The following GALNT13 variants were observed in gnomAD, a reference collection of about 807,000 sequenced individuals.
GALNT13 encodes the protein UDP-GalNAc:polypeptide N-acetylgalactosaminyltransferase 13.
A neutral mutation model predicts 64.2 loss-of-function variants in GALNT13; 28 were observed. That is an observed-to-expected ratio of 0.44 (90% confidence interval 0.32 to 0.60). The LOEUF (loss-of-function observed/expected upper bound fraction) is 0.60, where lower values mean the gene tolerates loss of function less well. GALNT13 is among the 20% of genes least tolerant of loss of function. The pLI, the probability that GALNT13 is intolerant of heterozygous loss-of-function variation, is 0.05. For missense variants in GALNT13, 577 were observed against 669.8 expected, an observed-to-expected ratio of 0.86 and a Z score of 1.53; for synonymous variants, 214 against 224.6, an observed-to-expected ratio of 0.95 and a Z score of 0.42.
the GALNT13 span, among the ~76,000 whole-genome samples, chr2:153,319,381 C>G: frequency 1.3e-5 from 2 of 152,172 alleles, no homozygotes; most frequent in Non-Finnish European, 2.9e-5. Context: ...TCAAGCAATC[C>G]TCCCACCTCA....
intron 3 of GALNT13, among the ~76,000 whole-genome samples, chr2:154,136,690 T>C (rs1210154099): frequency 6.6e-6 from 1 of 152,114 alleles, no homozygotes. Flanking sequence ...ATGATTCTGG[T>C]TTTATCATAT....
the GALNT13 span, among the ~76,000 whole-genome samples, chr2:153,493,544 T>C: frequency 4.7e-4 from 72 of 152,084 alleles, no homozygotes; most frequent in South Asian, 3.9e-3. Flanking sequence ...GTTAATTCTG[T>C]CACAATTTGA....
chr2:154,168,666 C>CT (rs1685171994), intron 4 of GALNT13, among the ~76,000 whole-genome samples: 1 of 96,014 alleles, frequency 1.0e-5, no homozygotes, highest in Non-Finnish European at 2.2e-5. Flanking sequence ...AACCTCATCT[C>CT]TACTATTAAA....
chr2:153,711,214 A>T, the GALNT13 span, among the ~76,000 whole-genome samples: 1 of 152,100 alleles, frequency 6.6e-6, no homozygotes, highest in Non-Finnish European at 1.5e-5. Context: ...ATTTATAAAA[A>T]TTGCTATTAT....
At chr2:153,092,530 T>A in the GALNT13 span, among the ~76,000 whole-genome samples, 1 of 152,198 alleles carries the variant, frequency 6.6e-6, no homozygotes, top group East Asian at 1.9e-4. Context: ...CAGTGTTTTA[T>A]AGTTTTTATT....
the GALNT13 span, among the ~76,000 whole-genome samples, chr2:153,721,551 G>C: frequency 8.7e-5 from 13 of 149,486 alleles, no homozygotes; most frequent in Non-Finnish European, 1.9e-4. Context: ...TCAGTGTGCT[G>C]TATTCAGGAA....
At chr2:153,729,157 G>A in the GALNT13 span, among the ~76,000 whole-genome samples, 37 of 152,096 alleles carry the variant, frequency 2.4e-4, no homozygotes, top group African/African-American at 7.7e-4. Flanking sequence ...CTGAATGGGC[G>A]AAAGCTGGAA....
chr2:153,966,246 G>T, intron 3 of GALNT13, among the ~76,000 whole-genome samples: 2 of 118,840 alleles, frequency 1.7e-5, no homozygotes, highest in Admixed American at 9.1e-5. Flanking sequence ...TTTTACTTTA[G>T]CATGTTGAAT....
the GALNT13 span, among the ~76,000 whole-genome samples, chr2:153,085,308 A>G: frequency 6.6e-6 from 1 of 152,334 alleles, no homozygotes; most frequent in African/African-American, 2.4e-5. Context: ...AGAAATTTGC[A>G]TAAGTAACAA....
In GALNT13 at chr2:154,366,669, T is replaced by C. The variant is rs575656835; in HGVS notation, c.1157-29322T>C. On this transcript the variant is annotated intron_variant, in intron 9 of 12. Coordinates refer to ENST00000392825, the MANE Select transcript of GALNT13 (RefSeq NM_052917.4). ...AGAATTCTCAGATGAGAACTAAGGT[T>C]ATATGTCAAGGAAGCGGGAATTTGC... Among the ~76,000 whole-genome samples, 5 of 152,292 alleles carry C rather than the reference T, an allele frequency of 3.3e-5. No individual in the cohort carries two copies. In the South Asian group the frequency reaches 6.2e-4, roughly 19 times the overall value.
At chr2:153,650,060 G>T in the GALNT13 span, among the ~76,000 whole-genome samples, 9 of 152,082 alleles carry the variant, frequency 5.9e-5, no homozygotes, top group Admixed American at 2.6e-4. Context: ...TGTTGAAAGT[G>T]GGGTGTTAAA....
the GALNT13 span, among the ~76,000 whole-genome samples, chr2:153,400,114 A>G: frequency 6.6e-6 from 1 of 151,928 alleles, no homozygotes; most frequent in Non-Finnish European, 1.5e-5. Flanking sequence ...TACCTAATTT[A>G]TTGAGAGTTT....
At chr2:153,638,889 G>A in the GALNT13 span, among the ~76,000 whole-genome samples, 1 of 152,118 alleles carries the variant, frequency 6.6e-6, no homozygotes, top group Non-Finnish European at 1.5e-5. Context: ...ATTAAGGAGA[G>A]TAGGAGAGTA....
the GALNT13 span, among the ~76,000 whole-genome samples, chr2:153,737,443 C>G: frequency 2.0e-5 from 3 of 151,042 alleles, no homozygotes; most frequent in Admixed American, 6.6e-5. Flanking sequence ...TTTGGACATT[C>G]CTTATGTTAT....
At chr2:153,845,578 T>C in the GALNT13 span, among the ~76,000 whole-genome samples, 151 of 152,322 alleles carry the variant, frequency 9.9e-4, no homozygotes, top group African/African-American at 3.6e-3. Flanking sequence ...GATTTTATTT[T>C]AACATGAGAT....
the GALNT13 span, among the ~76,000 whole-genome samples, chr2:153,302,521 T>C: frequency 1.3e-5 from 2 of 152,086 alleles, no homozygotes; most frequent in African/African-American, 4.8e-5. Flanking sequence ...TAAGTTGTCG[T>C]CTCTTCAGTC....
chr2:153,258,384 C>G, the GALNT13 span, among the ~76,000 whole-genome samples: 2 of 135,662 alleles, frequency 1.5e-5, no homozygotes, highest in African/African-American at 5.0e-5. Context: ...CAAAACAAAA[C>G]AAAACAAAAC....
intron 4 of GALNT13, among the ~76,000 whole-genome samples, chr2:154,186,453 C>T (rs535849827): frequency 8.8e-4 from 134 of 152,126 alleles, no homozygotes; most frequent in Non-Finnish European, 1.4e-3. Flanking sequence ...TTGCTGCTTA[C>T]GTTATTTTTA....
chr2:153,103,325 G>A, the GALNT13 span, among the ~76,000 whole-genome samples: 1 of 152,070 alleles, frequency 6.6e-6, no homozygotes, highest in Non-Finnish European at 1.5e-5. Flanking sequence ...AGTTCTTGTT[G>A]TTCCTCTTGC....
Sources: gnomAD v4.1 joint callset for allele counts (sites outside exome capture counted in the v4.1 genomes callset) on GRCh38, gnomAD v4.1.1 for gene constraint, MANE v1.5 for transcripts, NCBI Gene and HGNC (gene_info 2026-07-23, HGNC 2026-07-21) for gene names.